Variants in IHO1 observed in about 807,000 individuals in gnomAD.
IHO1 encodes the protein interactor of HORMAD1 1.
A neutral mutation model predicts 31.0 loss-of-function variants in IHO1; 13 were observed. That is an observed-to-expected ratio of 0.42 (90% CI 0.27 to 0.67). The LOEUF (loss-of-function observed/expected upper bound fraction) is 0.67, where lower values mean the gene tolerates loss of function less well. Ranked by LOEUF, IHO1 falls within the 30% of genes least tolerant of loss-of-function variation. IHO1 has a pLI of 0.24. For synonymous variants in IHO1, 221 were observed against 248.4 expected, an observed-to-expected ratio of 0.89 and a Z score of 1.04; for missense variants, 599 against 687.5, an observed-to-expected ratio of 0.87 and a Z score of 1.44.
chr3:49,224,832 G>A (rs1179123429), intron 2 of IHO1, among the ~76,000 whole-genome samples: 3 of 151,928 alleles, frequency 2.0e-5, no homozygotes, highest in African/African-American at 7.3e-5. Context: ...TGGGAGAAAA[G>A]TGGCAGGGTT....
intron 2 of IHO1, among the ~76,000 whole-genome samples, chr3:49,233,081 C>G (rs1030980651): frequency 2.0e-5 from 3 of 152,172 alleles, no homozygotes; most frequent in Non-Finnish European, 4.4e-5. Context: ...TGCTGCGTAA[C>G]GATTCCTGTG....
At chr3:49,220,395 G>T (rs1423110954) in intron 2 of IHO1, among the ~76,000 whole-genome samples, 1 of 152,232 alleles carries the variant, frequency 6.6e-6, no homozygotes, top group Non-Finnish European at 1.5e-5. Flanking sequence ...GCTGACTTCA[G>T]GAATGAAGCC....
upstream of IHO1, among the ~76,000 whole-genome samples, chr3:49,196,230 A>G (rs984372278): frequency 1.4e-5 from 2 of 141,274 alleles, no homozygotes; most frequent in Non-Finnish European, 3.0e-5. Context: ...CTCCGTCACA[A>G]AAAAAAAAAA....
intron 2 of IHO1, among the ~76,000 whole-genome samples, chr3:49,231,841 G>A (rs2046485754): frequency 6.6e-6 from 1 of 152,204 alleles, no homozygotes; most frequent in Non-Finnish European, 1.5e-5. Flanking sequence ...GCATTACCTG[G>A]AAAGAAGCTA....
At chr3:49,226,924 G>A (rs9881692) in intron 2 of IHO1, among the ~76,000 whole-genome samples, 8,729 of 152,128 alleles carry the variant, frequency 0.057, 839 homozygotes, top group African/African-American at 0.2. Context: ...TGAAGGGGAC[G>A]TAACCGATAA....
chr3:49,245,175 A>G (rs2046678754), intron 6 of IHO1: 4 of 305,278 alleles, frequency 1.3e-5, no homozygotes, highest in African/African-American at 2.1e-5. Context: ...TGTGAATCAC[A>G]GCATCATTCT....
chr3:49,251,990 C>A (rs754156106), intron 6 of IHO1: 1 of 151,982 alleles, frequency 6.6e-6, no homozygotes, highest in Admixed American at 6.6e-5. Context: ...TGCCGCCACA[C>A]CCGGCTAATT....
At chr3:49,191,926 T>C in the IHO1 span, 1 of 728,382 alleles carries the variant, frequency 1.4e-6, no homozygotes, top group African/African-American at 1.7e-5. Flanking sequence ...AGACAGTACA[T>C]GACCTGTTGC....
In IHO1 at chr3:49,241,301, T is replaced by C; in HGVS notation, c.307T>C (p.Phe103Leu). ...FGGDIKDGGL[F>L]PPPLSVGKSK... ...AGGAGATATAAAAGATGGAGGTTTA[T>C]TTCCTCCTCCTTTGTCAGTTGGAAA... The change falls in exon 4 of 8, where the codon TTT (phenylalanine) becomes CTT (leucine). Residue 103 changes from phenylalanine to leucine, a missense_variant. Transcript: ENST00000452691. 1 of 1,613,672 alleles carries C rather than the reference T, an allele frequency of 6.2e-7. No homozygotes were observed. Among genetic ancestry groups the C allele is most frequent in the Non-Finnish European group, 8.5e-7 (1 of 1,179,656 alleles).
At chr3:49,236,044 C>T (rs900943407) in intron 2 of IHO1, among the ~76,000 whole-genome samples, 1 of 152,118 alleles carries the variant, frequency 6.6e-6, no homozygotes, top group Middle Eastern at 3.4e-3. Context: ...AGTTCAAGAC[C>T]AGCCTGGTCA....
Position 49,211,946 on chromosome 3 carries a change from AG to A in IHO1, c.56+111del. 4.6e-6 allele frequency: 3 copies of A among 652,836 alleles called. 1 individual carries two copies. Among genetic ancestry groups the A allele is most frequent in the Non-Finnish European group, 5.6e-6 (2 of 354,574 alleles). 40.4% of individuals were successfully genotyped at this position (652,836 alleles called of 1,614,324 possible). ...GGGAGGCCAAGGTGGGCAGATCACAAGATCAGGAGATCAGGACCATCCTGGC... is the reference window on the plus strand; with the variant it reads ...GGGAGGCCAAGGTGGGCAGATCACAAATCAGGAGATCAGGACCATCCTGGC... On this transcript the variant is annotated intron_variant, in intron 2 of 7. Coordinates refer to ENST00000452691, the MANE Select transcript of IHO1 (RefSeq NM_001135197.2).
intron 2 of IHO1, among the ~76,000 whole-genome samples, chr3:49,214,479 T>G (rs1483319356): frequency 6.7e-6 from 1 of 149,894 alleles, no homozygotes; most frequent in East Asian, 1.9e-4. Flanking sequence ...ATAGTTTCTT[T>G]CCTCTTTAAC....
At chr3:49,241,502 C>T in intron 4 of IHO1, 113 bp downstream of exon 4, 1 of 974,122 alleles carries the variant, frequency 1.0e-6, no homozygotes, top group Non-Finnish European at 1.5e-6. Flanking sequence ...TATTAGAGTT[C>T]TCCAGAGAAA....
intron 2 of IHO1, among the ~76,000 whole-genome samples, chr3:49,221,845 C>A (rs952850401): frequency 6.6e-6 from 1 of 152,194 alleles, no homozygotes; most frequent in African/African-American, 2.4e-5. Flanking sequence ...AGGGGAGAAG[C>A]CTTGTCGCCC....
At chr3:49,203,535 A>G (rs1488159484) in intron 1 of IHO1, among the ~76,000 whole-genome samples, 1 of 152,114 alleles carries the variant, frequency 6.6e-6, no homozygotes, top group African/African-American at 2.4e-5. Context: ...ACAAGGGTGA[A>G]ATCAGGGAGA....
upstream of IHO1, among the ~76,000 whole-genome samples, chr3:49,194,653 T>C (rs1417076468): frequency 6.8e-6 from 1 of 147,124 alleles, no homozygotes; most frequent in Non-Finnish European, 1.5e-5. Flanking sequence ...CCCAGCACTT[T>C]GGGAGGCCGA....
At chr3:49,235,411 G>T (rs1456027703) in intron 2 of IHO1, among the ~76,000 whole-genome samples, 1 of 150,556 alleles carries the variant, frequency 6.6e-6, no homozygotes, top group East Asian at 2.0e-4. Context: ...GTATTTTTTA[G>T]TAGAGATGGG....
At chr3:49,192,899 T>C in the IHO1 span, among the ~76,000 whole-genome samples, 295 of 149,054 alleles carry the variant, frequency 2.0e-3, 2 homozygotes, top group African/African-American at 6.9e-3. Flanking sequence ...CCCATCTCAA[T>C]AAATGAATGA....
At chr3:49,248,428 A>G (rs1384791171) in intron 6 of IHO1, among the ~76,000 whole-genome samples, 1 of 151,342 alleles carries the variant, frequency 6.6e-6, no homozygotes, top group East Asian at 1.9e-4. Context: ...AAAACAAAAC[A>G]AAACAAAACA....
Sources: gnomAD v4.1 joint callset for allele counts (sites outside exome capture counted in the v4.1 genomes callset) on GRCh38, gnomAD v4.1.1 for gene constraint, MANE v1.5 for transcripts, NCBI Gene and HGNC (gene_info 2026-07-23, HGNC 2026-07-21) for gene names.